ABCG1: variants seen among roughly 807,000 people sequenced by gnomAD.
ABCG1 encodes ATP binding cassette subfamily G member 1.
A neutral mutation model predicts 69.2 loss-of-function variants in ABCG1; 29 were observed. That is an observed-to-expected ratio of 0.42 (90% CI 0.31 to 0.57). ABCG1 has a LOEUF of 0.57. Among genes scored for constraint, ABCG1 ranks in the 20% least tolerant of loss-of-function variants. The pLI is 0.15. For missense variants in ABCG1, 718 were observed against 898.1 expected, an observed-to-expected ratio of 0.80 and a Z score of 2.56; for synonymous variants, 370 against 374.8, an observed-to-expected ratio of 0.99 and a Z score of 0.15.
At chr21:42,264,693 G>A (rs917021656) in intron 2 of ABCG1, among the ~76,000 whole-genome samples, 4 of 152,092 alleles carry the variant, frequency 2.6e-5, no homozygotes, top group African/African-American at 9.7e-5. Context: ...GAGAGAGGAG[G>A]AGAGACAGAG....
intron 2 of ABCG1, among the ~76,000 whole-genome samples, chr21:42,235,298 G>C (rs1758083820): frequency 6.6e-6 from 1 of 152,224 alleles, no homozygotes; most frequent in Admixed American, 6.5e-5. Flanking sequence ...GCAGGGGAAC[G>C]GCCCGCGGGT....
intron 2 of ABCG1, among the ~76,000 whole-genome samples, chr21:42,253,417 C>G (rs2068254578): frequency 6.6e-6 from 1 of 152,220 alleles, no homozygotes; most frequent in South Asian, 2.1e-4. Context: ...AATGTGCATT[C>G]CATCATGTGG....
At chr21:42,221,863 C>T (rs2067733062) in intron 1 of ABCG1, among the ~76,000 whole-genome samples, 1 of 152,168 alleles carries the variant, frequency 6.6e-6, no homozygotes, top group Non-Finnish European at 1.5e-5. Flanking sequence ...CGGCTCACCA[C>T]GGCCTGTGGG....
chr21:42,247,439 A>AC (rs1555953028), intron 2 of ABCG1, among the ~76,000 whole-genome samples: 1 of 152,198 alleles, frequency 6.6e-6, no homozygotes, highest in Non-Finnish European at 1.5e-5. Context: ...GAGGGGCAGA[A>AC]CCCGGGGGCA....
chr21:42,285,809 T>C (rs1401246727), intron 7 of ABCG1, 71 bp from the exon 8 acceptor site: 15 of 1,017,024 alleles, frequency 1.5e-5, no homozygotes, highest in Non-Finnish European at 1.9e-5. Flanking sequence ...GGTTGATTGA[T>C]TGATTGAGGG....
chr21:42,238,207 G>C (rs952434106), intron 2 of ABCG1, among the ~76,000 whole-genome samples: 1 of 152,152 alleles, frequency 6.6e-6, no homozygotes, highest in South Asian at 2.1e-4. Flanking sequence ...GCAACCCTGC[G>C]GTCAGGTTTT....
In ABCG1 at chr21:42,296,391, A is replaced by G; in HGVS notation, c.2000A>G (p.Ter667=). The G allele has an allele frequency of 6.2e-7, 1 of 1,611,856 alleles. No individual in the cohort carries two copies. The highest frequency in any genetic ancestry group is 8.5e-7 in the Non-Finnish European group (1 of 1,178,982). The change falls in exon 15 of 15, where the codon TAA becomes TGA. Residue 667 remains the stop codon, a stop_retained_variant. Transcript: ENST00000398449. This position sits in a 1 kb window ranked among gnomAD's most constrained non-coding sequence, Gnocchi z 5.4. ...AGGTACAAAATCCGGGCAGAGAGGT[A>G]AAACACCTGAATGCCAGGAAACAGG... ...VLRYKIRAER[*] is the part of the protein sequence containing the mutation.
intron 2 of ABCG1, among the ~76,000 whole-genome samples, chr21:42,261,398 T>C (rs908675468): frequency 6.6e-6 from 1 of 152,184 alleles, no homozygotes; most frequent in East Asian, 1.9e-4. Flanking sequence ...GGAACAGTAC[T>C]GTCTGCATGG....
At position 42,296,442 on chromosome 21, in the gene ABCG1, A is replaced by T. The variant is rs1289551475; in HGVS notation, c.*50A>T. The T allele has an allele frequency of 1.3e-6, 2 of 1,541,852 alleles. No individual in the cohort carries two copies. The highest frequency in any genetic ancestry group is 1.7e-5 in the Admixed American group (1 of 58,500). On this transcript the variant is annotated 3_prime_UTR_variant, in exon 15 of 15. Transcript: ENST00000398449. This position sits in a 1 kb window ranked among gnomAD's most constrained non-coding sequence, Gnocchi z 5.4. Reference sequence around the variant, plus strand: ...AAGATTAGACACTGTGGCCGAGGGCACGTCTAGAATCGAGGAGGCAAGCCT... The same window carrying T: ...AAGATTAGACACTGTGGCCGAGGGCTCGTCTAGAATCGAGGAGGCAAGCCT...
intron 2 of ABCG1, among the ~76,000 whole-genome samples, chr21:42,250,948 G>C (rs1354287104): frequency 6.6e-6 from 1 of 152,128 alleles, no homozygotes; most frequent in Non-Finnish European, 1.5e-5. Context: ...AGCACTAAGT[G>C]GTATTGCTGG....
chr21:42,283,440 G>A (rs1313682263), intron 6 of ABCG1, among the ~76,000 whole-genome samples: 6 of 152,178 alleles, frequency 3.9e-5, no homozygotes, highest in Admixed American at 3.9e-4. Flanking sequence ...AGATCTGAGG[G>A]GCTAGGAAAG....
intron 13 of ABCG1, among the ~76,000 whole-genome samples, chr21:42,293,221 T>C (rs1269137329): frequency 1.2e-4 from 8 of 65,118 alleles, no homozygotes; most frequent in Admixed American, 5.5e-4. Context: ...ATACACACAC[T>C]ACACACTACA....
chr21:42,278,036 G>A (rs1312454255), intron 5 of ABCG1, among the ~76,000 whole-genome samples: 2 of 152,176 alleles, frequency 1.3e-5, no homozygotes, highest in Admixed American at 6.5e-5. Context: ...CGGTGCAGGT[G>A]GAAAGAGCCT....
chr21:42,296,470 G>T lies in ABCG1; in HGVS notation c.*78G>T. ...TCTAGAATCGAGGAGGCAAGCCTGT[G>T]CCCGACCGACGACACAGAGACTCTT... On this transcript the variant is annotated 3_prime_UTR_variant, in exon 15 of 15. Transcript: ENST00000398449. The surrounding 1 kb of genome is among the most constrained non-coding windows in gnomAD (Gnocchi z 5.4). 7.4e-7 allele frequency: 1 copy of T among 1,343,174 alleles called. No homozygotes were observed. The highest frequency in any genetic ancestry group is 1.0e-6 in the Non-Finnish European group (1 of 962,382). 83.2% of individuals were successfully genotyped at this position (1,343,174 alleles called of 1,614,324 possible).
chr21:42,296,330 T>C lies in ABCG1; in HGVS notation c.1939T>C (p.Phe647Leu). The C allele has an allele frequency of 6.2e-7, 1 of 1,614,186 alleles. No individual in the cohort carries two copies. Among genetic ancestry groups the C allele is most frequent in the Non-Finnish European group, 8.5e-7 (1 of 1,180,016 alleles). Reference protein sequence around the residue: ...YLDFIVLGIFFISLRLIAYFV... With the variant: ...YLDFIVLGIFLISLRLIAYFV... ...GGACTTCATCGTACTCGGGATTTTC[T>C]TCATCTCCCTCCGCCTCATTGCCTA... Residue 647 changes from phenylalanine (F) to leucine (L), a missense_variant, in exon 15 of 15, where the codon TTC becomes CTC. Physicochemically the swap from Phe to Leu is conservative, Grantham distance 22. This residue lies in a region of ABCG1 where 204 missense variants were observed against 323.8 expected (regional missense o/e 0.63). Transcript: ENST00000398449. This position sits in a 1 kb window ranked among gnomAD's most constrained non-coding sequence, Gnocchi z 5.4.
At chr21:42,272,485 A>C (rs2068633544) in intron 3 of ABCG1, among the ~76,000 whole-genome samples, 1 of 152,264 alleles carries the variant, frequency 6.6e-6, no homozygotes, top group Admixed American at 6.5e-5. Flanking sequence ...GTAAAGTTGG[A>C]AGCTAGACAT....
chr21:42,283,055 A>G (rs2068842896), intron 6 of ABCG1, among the ~76,000 whole-genome samples: 1 of 152,188 alleles, frequency 6.6e-6, no homozygotes, highest in African/African-American at 2.4e-5. Flanking sequence ...TGACTCCTGC[A>G]TGTGTCCTGT....
intron 2 of ABCG1, among the ~76,000 whole-genome samples, chr21:42,239,102 A>C (rs1005088530): frequency 6.6e-6 from 1 of 152,194 alleles, no homozygotes; most frequent in African/African-American, 2.4e-5. Context: ...AGTACTTGTT[A>C]GCAAAATGCC....
In ABCG1 at chr21:42,291,471, C is replaced by T. The variant is rs200451828; in HGVS notation, c.1495-27C>T. The T allele has an allele frequency of 6.3e-7, 1 of 1,592,886 alleles. No homozygotes were observed. Among genetic ancestry groups the T allele is most frequent in the East Asian group, 2.3e-5 (1 of 44,412 alleles). On this transcript the variant is annotated intron_variant, in intron 12 of 14. Transcript: ENST00000398449. The surrounding 1 kb of genome is among the most constrained non-coding windows in gnomAD (Gnocchi z 6.4). ...CTGCTGTGGTGGGAAGCGGCTGAGC[C>T]CGCGGCTGACGGGTCCTTGTTTCCA...
Sources: gnomAD v4.1 joint callset for allele counts (sites outside exome capture counted in the v4.1 genomes callset) on GRCh38, gnomAD v4.1.1 for gene constraint, gnomAD v4.1.1 regional missense constraint, Gnocchi (gnomAD v3.1) non-coding constraint, MANE v1.5 for transcripts, NCBI Gene and HGNC (gene_info 2026-07-23, HGNC 2026-07-21) for gene names.